The following TTC23L variants were observed in gnomAD, a reference collection of about 807,000 sequenced individuals.
TTC23L encodes the protein tetratricopeptide repeat domain 23 like, also known as tetratricopeptide repeat protein 23-like.
In TTC23L, 42 loss-of-function variants were observed where a neutral mutation model predicts 48.1. That is an observed-to-expected ratio of 0.87 (90% CI 0.68 to 1.13). The LOEUF (loss-of-function observed/expected upper bound fraction) is 1.13, where lower values mean the gene tolerates loss of function less well. Among genes scored for constraint, TTC23L ranks in the 50% most tolerant of loss-of-function variants. TTC23L has a pLI of 0.00. For synonymous variants in TTC23L, 159 were observed against 157.2 expected (o/e 1.01, Z -0.09); for missense variants, 391 against 421.0 (o/e 0.93, Z 0.62).
the TTC23L span, among the ~76,000 whole-genome samples, chr5:34,917,241 G>A: frequency 5.9e-5 from 9 of 152,302 alleles, no homozygotes; most frequent in South Asian, 1.7e-3. Context: ...GGGCAATAAT[G>A]ATGTAGACGT....
chr5:34,891,395 G>C (rs1171340709), intron 9 of TTC23L, among the ~76,000 whole-genome samples: 2 of 152,162 alleles, frequency 1.3e-5, no homozygotes, highest in Non-Finnish European at 2.9e-5. Flanking sequence ...GTTGTTGTGA[G>C]TTTTAAATAA....
At chr5:34,866,793 G>C in intron 6 of TTC23L, 99 bp from the exon 7 acceptor site, 1 of 1,212,932 alleles carries the variant, frequency 8.2e-7, no homozygotes, top group South Asian at 1.6e-5. Context: ...TGATGGGCCT[G>C]TGAAGGCCAA....
At chr5:34,840,246 GGGGGA>G (rs1758526254) in intron 1 of TTC23L, among the ~76,000 whole-genome samples, 2 of 142,486 alleles carry the variant, frequency 1.4e-5, no homozygotes, top group Non-Finnish European at 3.1e-5. Flanking sequence ...CCGGGGGGGG[GGGGGA>G]AAGCAGAATT....
intron 4 of TTC23L, among the ~76,000 whole-genome samples, chr5:34,856,878 A>G (rs1482417231): frequency 6.6e-6 from 1 of 152,176 alleles, no homozygotes; most frequent in East Asian, 1.9e-4. Context: ...GTTTCCCCAT[A>G]GTGGTTGGAG....
At chr5:34,919,274 CAAAAAAAA>C in the TTC23L span, among the ~76,000 whole-genome samples, 150 of 35,980 alleles carry the variant, frequency 4.2e-3, 2 homozygotes, top group Non-Finnish European at 4.4e-3. Context: ...GACCCTGTCT[CAAAAAAAA>C]AAAAAAAAAA....
chr5:34,862,538 G>A (rs924206039), intron 4 of TTC23L, among the ~76,000 whole-genome samples: 5 of 152,136 alleles, frequency 3.3e-5, no homozygotes, highest in Admixed American at 2.6e-4. Context: ...ATTAGTAGTA[G>A]AATCAGGAAT....
chr5:34,879,486 C>A (rs1561148654), intron 8 of TTC23L, among the ~76,000 whole-genome samples: 1 of 152,158 alleles, frequency 6.6e-6, no homozygotes, highest in Non-Finnish European at 1.5e-5. Context: ...CTTACTCCCT[C>A]CCAGCACCCC....
chr5:34,852,077 G>C (rs931333751), intron 4 of TTC23L, among the ~76,000 whole-genome samples: 1 of 152,136 alleles, frequency 6.6e-6, no homozygotes, highest in Non-Finnish European at 1.5e-5. Context: ...TAGAGATAAG[G>C]TCTTTCTACG....
intron 6 of TTC23L, among the ~76,000 whole-genome samples, chr5:34,865,053 G>C: frequency 6.6e-6 from 1 of 152,222 alleles, no homozygotes. Context: ...GGAAAGTTCT[G>C]TTCCATATGA....
chr5:34,913,878 C>T, the TTC23L span: 4 of 463,860 alleles, frequency 8.6e-6, no homozygotes, highest in African/African-American at 7.8e-5. Context: ...ACATTAGTTT[C>T]AACTTTTATT....
chr5:34,916,277 C>T, the TTC23L span: 1 of 158,770 alleles, frequency 6.3e-6, no homozygotes, highest in East Asian at 1.8e-4. Context: ...CATATACTGC[C>T]ATAGTCAGCC....
chr5:34,909,232 T>C, the TTC23L span: 1 of 1,495,268 alleles, frequency 6.7e-7, no homozygotes, highest in Non-Finnish European at 9.2e-7. Context: ...TTATCACCAA[T>C]GACAACCTCT....
chr5:34,840,813 C>A, intron 2 of TTC23L, 74 bp downstream of exon 2: 2 of 1,381,720 alleles, frequency 1.4e-6, no homozygotes, highest in Non-Finnish European at 2.1e-6. Context: ...TTAAGGCAAA[C>A]CTGGGTGAGG....
intron 9 of TTC23L, among the ~76,000 whole-genome samples, chr5:34,882,421 G>A (rs1762277778): frequency 6.6e-6 from 1 of 152,180 alleles, no homozygotes; most frequent in African/African-American, 2.4e-5. Flanking sequence ...TCACTGCAGT[G>A]TCCTCACTGC....
chr5:34,912,751 G>A, the TTC23L span, among the ~76,000 whole-genome samples: 1 of 152,122 alleles, frequency 6.6e-6, no homozygotes, highest in Admixed American at 6.6e-5. Flanking sequence ...TGTAATCCCA[G>A]AACTTAGAGA....
At chr5:34,874,355 A>C (rs1372464139) in intron 8 of TTC23L, among the ~76,000 whole-genome samples, 1 of 152,240 alleles carries the variant, frequency 6.6e-6, no homozygotes, top group East Asian at 1.9e-4. Flanking sequence ...TTAATCTAAC[A>C]AATAACAGTT....
the TTC23L span, among the ~76,000 whole-genome samples, chr5:34,917,450 G>T: frequency 6.6e-6 from 1 of 151,776 alleles, no homozygotes; most frequent in South Asian, 2.1e-4. Context: ...TGGCCAAGAT[G>T]GTGAAACCCC....
At chr5:34,864,044 AT>A (rs1444001462) in intron 5 of TTC23L, among the ~76,000 whole-genome samples, 1 of 152,212 alleles carries the variant, frequency 6.6e-6, no homozygotes, top group Non-Finnish European at 1.5e-5. Flanking sequence ...GACTTTCTAA[AT>A]GACCCAGAAA....
At chr5:34,869,283 G>A in intron 8 of TTC23L, 2 of 378,236 alleles carry the variant, frequency 5.3e-6, no homozygotes, top group South Asian at 4.7e-5. Flanking sequence ...TTAACTAATA[G>A]ATATCACACA....
Sources: allele counts gnomAD v4.1 joint callset (sites outside exome capture counted in the v4.1 genomes callset), GRCh38; gene constraint gnomAD v4.1.1; transcripts MANE v1.5; gene names NCBI Gene and HGNC (gene_info 2026-07-23, HGNC 2026-07-21).